The following BBS9 variants were observed in gnomAD, a reference collection of about 807,000 sequenced individuals.
BBS9 encodes the protein protein PTHB1.
In BBS9, 89 loss-of-function variants were observed where a neutral mutation model predicts 117.7. The observed-to-expected ratio is 0.76, with a 90% confidence interval of 0.64 to 0.90. BBS9 has a LOEUF of 0.90. Among genes scored for constraint, BBS9 ranks in the 40% least tolerant of loss-of-function variants. The probability of loss-of-function intolerance (pLI) is 0.00; values close to 1 mark genes in which losing one functional copy is unlikely to be tolerated. For missense variants in BBS9, 982 were observed against 1,042.2 expected (o/e 0.94, Z 0.80); for synonymous variants, 379 against 370.9 (o/e 1.02, Z -0.25).
Position 33,605,578 on chromosome 7 carries a change from G to A in BBS9, c.*352G>A. ...TAATTTCATACCCCATTTTTTCACA[G>A]AATTCTTATATAGTAAATGTATCAA... On this transcript the variant is annotated 3_prime_UTR_variant, in exon 23 of 23. Transcript: ENST00000242067. 1 of 311,738 alleles carries A rather than the reference G, an allele frequency of 3.2e-6. No homozygotes were observed. The highest frequency in any genetic ancestry group is 3.9e-5 in the South Asian group (1 of 25,486). 19.3% of individuals were successfully genotyped at this position (311,738 alleles called of 1,614,324 possible). A position where few individuals can be genotyped will look rare whatever the true frequency, so the allele number is the denominator to read the frequency against.
At chr7:33,174,855 T>A (rs1179538607) in intron 4 of BBS9, among the ~76,000 whole-genome samples, 1 of 152,238 alleles carries the variant, frequency 6.6e-6, no homozygotes, top group Admixed American at 6.5e-5. Flanking sequence ...TGTGTTTCCC[T>A]CACCCATGTG....
At chr7:33,149,430 G>A (rs1024336810) in intron 2 of BBS9, among the ~76,000 whole-genome samples, 3 of 148,384 alleles carry the variant, frequency 2.0e-5, no homozygotes, top group African/African-American at 5.0e-5. Flanking sequence ...AGAAGAAGCC[G>A]AGTAAAACAC....
intron 5 of BBS9, among the ~76,000 whole-genome samples, chr7:33,187,493 G>C (rs781163601): frequency 2.0e-5 from 3 of 152,236 alleles, no homozygotes; most frequent in African/African-American, 7.2e-5. Flanking sequence ...AGTCTGGTGT[G>C]TTGTTCCTCC....
intron 18 of BBS9, among the ~76,000 whole-genome samples, chr7:33,385,496 T>G (rs1825847838): frequency 6.6e-6 from 1 of 152,196 alleles, no homozygotes; most frequent in African/African-American, 2.4e-5. Context: ...TGGACCAGGG[T>G]TTGGCTCTGA....
intron 21 of BBS9, among the ~76,000 whole-genome samples, chr7:33,552,504 T>C (rs1334253937): frequency 6.6e-6 from 1 of 152,184 alleles, no homozygotes; most frequent in African/African-American, 2.4e-5. Flanking sequence ...TTTTCAGCCC[T>C]GAGTCAATCT....
At chr7:33,541,408 A>G (rs754087685) in intron 21 of BBS9, among the ~76,000 whole-genome samples, 7 of 152,278 alleles carry the variant, frequency 4.6e-5, no homozygotes, top group Admixed American at 2.0e-4. Context: ...TCAATCAATG[A>G]TAACACTCTT....
rs552186569 is a variant in BBS9, at chr7:33,423,395, G to GT, written c.2115+35251_2115+35252insT. ...TTAAAATGAAAATGTATACCTTGGG[G>GT]GTGTGTGTGTGTGTGTGTGTTTCTA... is the stretch of plus-strand genomic sequence containing the variant. On this transcript the variant is annotated intron_variant, in intron 19 of 22. Transcript: ENST00000242067. Among the ~76,000 whole-genome samples the GT allele has an allele frequency of 2.3e-4, 34 of 150,222 alleles. No homozygotes were observed. The South Asian group carries it at 3.6e-3, about 16-fold the overall frequency.
At chr7:33,306,236 A>G (rs1200349962) in intron 9 of BBS9, among the ~76,000 whole-genome samples, 1 of 151,830 alleles carries the variant, frequency 6.6e-6, no homozygotes, top group Admixed American at 6.6e-5. Flanking sequence ...TTCTAGTTTT[A>G]TTCCATGTGG....
intron 5 of BBS9, among the ~76,000 whole-genome samples, chr7:33,243,895 G>A (rs1230799341): frequency 6.6e-6 from 1 of 152,082 alleles, no homozygotes; most frequent in Non-Finnish European, 1.5e-5. Context: ...TCTTTTAAGA[G>A]AATATTGGTG....
chr7:33,329,291 G>T (rs1395505821), intron 9 of BBS9, among the ~76,000 whole-genome samples: 37 of 152,134 alleles, frequency 2.4e-4, no homozygotes, highest in Non-Finnish European at 5.9e-5. Context: ...AAAGTGCTGG[G>T]ATTACAGGTG....
intron 5 of BBS9, among the ~76,000 whole-genome samples, chr7:33,184,209 C>T (rs924648034): frequency 8.6e-5 from 13 of 151,696 alleles, no homozygotes; most frequent in Admixed American, 7.2e-4. Flanking sequence ...AGAGAAAGAC[C>T]CACCATTGCA....
intron 19 of BBS9, among the ~76,000 whole-genome samples, chr7:33,503,576 A>G (rs1243084426): frequency 6.6e-6 from 1 of 152,008 alleles, no homozygotes; most frequent in African/African-American, 2.4e-5. Flanking sequence ...TGGAGATTAG[A>G]TCTGTCACCA....
chr7:33,178,798 C>T (rs1332564848), intron 5 of BBS9, among the ~76,000 whole-genome samples: 3 of 150,874 alleles, frequency 2.0e-5, no homozygotes, highest in African/African-American at 7.3e-5. Flanking sequence ...TTTATTAATA[C>T]ATACAGATAA....
chr7:33,152,864 A>G lies in BBS9; in HGVS notation c.263+13A>G, dbSNP rs374383847. 1.9e-6 allele frequency: 3 copies of G among 1,613,686 alleles called. No homozygotes were observed. The East Asian group carries it at 6.7e-5, about 36-fold the overall frequency. The stretch of plus-strand genomic sequence containing the variant: ...GAAAGTTTGTTTCGTAAGTAAGCCC[A>G]CTAATTCTGGTATTTTACTTGGAGT... On this transcript the variant is annotated intron_variant, in intron 3 of 22. Transcript: ENST00000242067.
intron 4 of BBS9, among the ~76,000 whole-genome samples, chr7:33,165,734 C>G (rs1289296271): frequency 6.6e-6 from 1 of 152,110 alleles, no homozygotes; most frequent in Non-Finnish European, 1.5e-5. Flanking sequence ...AGCCATTCAT[C>G]TAATCTTTTT....
Position 33,571,886 on chromosome 7 carries a change from G to C in BBS9, c.2522-32979G>C, listed in dbSNP as rs537349169. On this transcript the variant is annotated intron_variant, in intron 21 of 22. Coordinates refer to ENST00000242067, the MANE Select transcript of BBS9 (RefSeq NM_198428.3). ...ATACCATTGGCAATGATCAAATTAGGGTAATTGGAACATCAGTCACTTCAA... is the reference window on the plus strand; with the variant it reads ...ATACCATTGGCAATGATCAAATTAGCGTAATTGGAACATCAGTCACTTCAA... 2.6e-5 allele frequency among the ~76,000 whole-genome samples: 4 copies of C among 152,032 alleles called. No individual in the cohort carries two copies. In the South Asian group the frequency reaches 8.3e-4, roughly 32 times the overall value.
At chr7:33,236,673 A>G (rs566016001) in intron 5 of BBS9, among the ~76,000 whole-genome samples, 1 of 152,036 alleles carries the variant, frequency 6.6e-6, no homozygotes, top group Non-Finnish European at 1.5e-5. Context: ...TTATATATTA[A>G]TGGGGTACAA....
intron 12 of BBS9, among the ~76,000 whole-genome samples, chr7:33,346,982 T>C (rs1405334690): frequency 1.3e-5 from 2 of 152,138 alleles, no homozygotes. Context: ...ATAGGGATAC[T>C]TTTTCATCTG....
intron 20 of BBS9, among the ~76,000 whole-genome samples, chr7:33,514,377 G>T (rs540682795): frequency 6.6e-6 from 1 of 152,252 alleles, no homozygotes; most frequent in East Asian, 1.9e-4. Context: ...GAAAGTTAAT[G>T]AATATGGTTC....
Sources: allele counts gnomAD v4.1 joint callset (sites outside exome capture counted in the v4.1 genomes callset), GRCh38; gene constraint gnomAD v4.1.1; transcripts MANE v1.5; gene names NCBI Gene and HGNC (gene_info 2026-07-23, HGNC 2026-07-21).